The following FGF14 variants were observed in gnomAD, a reference collection of about 807,000 sequenced individuals.
FGF14 encodes the protein fibroblast growth factor 14.
FGF14 carries 5 observed loss-of-function variants against 25.5 expected under a neutral mutation model. The ratio of observed to expected loss-of-function variants is 0.20; its 90% CI spans 0.10 to 0.41. The LOEUF is 0.41. FGF14 is among the 10% of genes least tolerant of loss of function. The probability of loss-of-function intolerance (pLI) is 1.00; values close to 1 mark genes in which losing one functional copy is unlikely to be tolerated. For missense variants in FGF14, 222 were observed against 320.1 expected (o/e 0.69, Z 2.34); for synonymous variants, 138 against 118.3 (o/e 1.17, Z -1.08).
chr13:101,791,218 G>A (rs929758801), intron 3 of FGF14, among the ~76,000 whole-genome samples: 8 of 152,148 alleles, frequency 5.3e-5, no homozygotes, highest in Admixed American at 1.3e-4. Context: ...CTACTTCAAA[G>A]GGTTGTTGTG....
At chr13:102,310,708 GGTGGGGGT>G (rs1305316973) in intron 1 of FGF14, among the ~76,000 whole-genome samples, 4 of 34,434 alleles carry the variant, frequency 1.2e-4, no homozygotes, top group African/African-American at 3.8e-4. Context: ...GGGGGGGGGG[GGTGGGGGT>G]TGTTTAACTG....
intron 1 of FGF14, among the ~76,000 whole-genome samples, chr13:102,352,766 C>T (rs948385229): frequency 6.7e-6 from 1 of 148,336 alleles, no homozygotes; most frequent in Non-Finnish European, 1.5e-5. Flanking sequence ...GAGCCGAGAT[C>T]GCGCCACTGC....
At chr13:101,861,291 C>CGA (rs2044402645) in intron 3 of FGF14, among the ~76,000 whole-genome samples, 1 of 152,066 alleles carries the variant, frequency 6.6e-6, no homozygotes, top group Non-Finnish European at 1.5e-5. Flanking sequence ...CTTGGATGTC[C>CGA]TGTGGGCAAA....
intron 1 of FGF14, among the ~76,000 whole-genome samples, chr13:101,897,370 A>G (rs943902675): frequency 2.0e-5 from 3 of 152,222 alleles, no homozygotes; most frequent in Non-Finnish European, 2.9e-5. Flanking sequence ...AGAGCTCTGC[A>G]AATAGAGGTC....
intron 3 of FGF14, among the ~76,000 whole-genome samples, chr13:101,733,530 G>A (rs1028329783): frequency 2.7e-5 from 4 of 150,636 alleles, no homozygotes; most frequent in Non-Finnish European, 5.9e-5. Context: ...GGGAGGCAGA[G>A]GTTGCAGTGA....
intron 3 of FGF14, among the ~76,000 whole-genome samples, chr13:101,755,835 A>G (rs1594136952): frequency 6.6e-6 from 1 of 152,220 alleles, no homozygotes. Context: ...TGGGTTAGTG[A>G]TAAGAGTATA....
intron 1 of FGF14, among the ~76,000 whole-genome samples, chr13:102,216,064 T>C (rs73565599): frequency 0.026 from 3,942 of 152,190 alleles, 161 homozygotes; most frequent in African/African-American, 0.09. Flanking sequence ...GTGCATACAG[T>C]TAGGCAGTGG....
chr13:102,166,000 C>G (rs986399056), intron 1 of FGF14, among the ~76,000 whole-genome samples: 3 of 151,446 alleles, frequency 2.0e-5, no homozygotes, highest in East Asian at 1.9e-4. Context: ...AGTACATTCA[C>G]TTTGTTGTCC....
intron 1 of FGF14, among the ~76,000 whole-genome samples, chr13:101,981,439 T>C (rs992459271): frequency 6.6e-6 from 1 of 152,042 alleles, no homozygotes; most frequent in Admixed American, 6.6e-5. Flanking sequence ...ACCAGGGCAG[T>C]GAGAAATAAA....
intron 1 of FGF14, among the ~76,000 whole-genome samples, chr13:102,032,718 C>T (rs1297672534): frequency 6.6e-6 from 1 of 152,052 alleles, no homozygotes; most frequent in African/African-American, 2.4e-5. Flanking sequence ...GCTTTTTGCT[C>T]CTCTTCAGGA....
intron 1 of FGF14, among the ~76,000 whole-genome samples, chr13:102,221,412 G>A (rs560064888): frequency 7.9e-5 from 12 of 152,260 alleles, no homozygotes; most frequent in African/African-American, 2.6e-4. Flanking sequence ...TTGATAAGAT[G>A]ATAAATCTAA....
chr13:101,964,198 G>C (rs1414536079), intron 1 of FGF14, among the ~76,000 whole-genome samples: 1 of 152,012 alleles, frequency 6.6e-6, no homozygotes, highest in East Asian at 1.9e-4. Flanking sequence ...ATTAAATTAA[G>C]GGTTTCCCCT....
intron 1 of FGF14, among the ~76,000 whole-genome samples, chr13:102,080,198 T>C (rs2043553429): frequency 6.6e-6 from 1 of 152,094 alleles, no homozygotes; most frequent in African/African-American, 2.4e-5. Flanking sequence ...TGTAGGAGGG[T>C]AAGGTAGAAG....
intron 3 of FGF14, among the ~76,000 whole-genome samples, chr13:101,830,805 T>C (rs964361071): frequency 9.9e-5 from 15 of 152,064 alleles, no homozygotes; most frequent in African/African-American, 3.4e-4. Context: ...AGACTTATGT[T>C]CCATTTTGGT....
intron 1 of FGF14, among the ~76,000 whole-genome samples, chr13:101,939,961 C>T (rs537286929): frequency 2.0e-4 from 31 of 152,140 alleles, no homozygotes; most frequent in East Asian, 5.8e-4. Flanking sequence ...ATTTTGCAGA[C>T]GGATATATTA....
chr13:101,733,078 T>C (rs187259439), intron 3 of FGF14, among the ~76,000 whole-genome samples: 3 of 152,286 alleles, frequency 2.0e-5, no homozygotes, highest in African/African-American at 4.8e-5. Flanking sequence ...GAAAAGAATA[T>C]CGTGAACTTT....
chr13:101,980,917 C>A (rs2038208650), intron 1 of FGF14, among the ~76,000 whole-genome samples: 1 of 152,160 alleles, frequency 6.6e-6, no homozygotes. Flanking sequence ...GGTGATTCCA[C>A]CCTCCTCAAC....
intron 1 of FGF14, among the ~76,000 whole-genome samples, chr13:102,022,400 T>G (rs2040704718): frequency 6.6e-6 from 1 of 152,008 alleles, no homozygotes; most frequent in Non-Finnish European, 1.5e-5. Flanking sequence ...TCTCTTGGAG[T>G]CATAAGAGCA....
intron 1 of FGF14, among the ~76,000 whole-genome samples, chr13:102,336,602 A>G (rs1469035064): frequency 6.6e-6 from 1 of 152,238 alleles, no homozygotes; most frequent in Non-Finnish European, 1.5e-5. Flanking sequence ...TACACTAAAC[A>G]ACAGATTTTT....
Sources: gnomAD v4.1 joint callset for allele counts (sites outside exome capture counted in the v4.1 genomes callset) on GRCh38, gnomAD v4.1.1 for gene constraint, MANE v1.5 for transcripts, NCBI Gene and HGNC (gene_info 2026-07-23, HGNC 2026-07-21) for gene names.